ASIC1: variants seen among roughly 807,000 people sequenced by gnomAD.
The protein encoded by ASIC1 is acid-sensing ion channel 1.
A neutral mutation model predicts 63.4 loss-of-function variants in ASIC1; 21 were observed. That is an observed-to-expected ratio of 0.33 (90% CI 0.23 to 0.48). The LOEUF (loss-of-function observed/expected upper bound fraction) is 0.48. Among genes scored for constraint, ASIC1 ranks in the 20% least tolerant of loss-of-function variants. The pLI is 0.99. For missense variants in ASIC1, 478 were observed against 695.5 expected, an observed-to-expected ratio of 0.69 and a Z score of 3.52; for synonymous variants, 258 against 278.2, an observed-to-expected ratio of 0.93 and a Z score of 0.72.
At chr12:50,065,445 A>G (rs950850152) in intron 3 of ASIC1, among the ~76,000 whole-genome samples, 4 of 152,094 alleles carry the variant, frequency 2.6e-5, no homozygotes, top group Non-Finnish European at 4.4e-5. Flanking sequence ...GAGGTTGTAA[A>G]ATTATTCTTT....
chr12:50,068,347 G>T (rs1950565404), intron 3 of ASIC1, among the ~76,000 whole-genome samples: 1 of 152,008 alleles, frequency 6.6e-6, no homozygotes. Context: ...CATGTTTTTT[G>T]GTTGATATAT....
At chr12:50,073,514 C>T (rs1389421310) in intron 3 of ASIC1, 5 of 1,443,334 alleles carry the variant, frequency 3.5e-6, no homozygotes, top group African/African-American at 1.4e-5. Context: ...CCTGGAGTCA[C>T]ATCGCCTTCC....
rs1441793371 is a variant in ASIC1 at position 50,074,887 on chromosome 12, T to C, written c.559-2326T>C. Reference sequence around the variant, plus strand: ...GTGTGTGTGTGTGTGTGTGTGTGTGTGTGTGTGTGTGTGTGTGTGTCTGAG... The same window carrying C: ...GTGTGTGTGTGTGTGTGTGTGTGTGCGTGTGTGTGTGTGTGTGTGTCTGAG... On this transcript the variant is annotated intron_variant, in intron 3 of 11. Coordinates refer to ENST00000447966, the MANE Select transcript of ASIC1 (RefSeq NM_001095.4). This position sits in a 1 kb window ranked among gnomAD's most constrained non-coding sequence, Gnocchi z 4.2. Among the ~76,000 whole-genome samples, 1 of 151,486 alleles carries C rather than the reference T, an allele frequency of 6.6e-6. No individual in the cohort carries two copies. Among genetic ancestry groups the C allele is most frequent in the Non-Finnish European group, 1.5e-5 (1 of 67,810 alleles).
intron 3 of ASIC1, among the ~76,000 whole-genome samples, chr12:50,067,443 C>G (rs1194853074): frequency 1.4e-5 from 2 of 139,856 alleles, no homozygotes; most frequent in Non-Finnish European, 3.0e-5. Flanking sequence ...GAGTTTTGCT[C>G]TTGTTGCTCA....
intron 3 of ASIC1, chr12:50,076,721 T>C: frequency 3.6e-6 from 1 of 276,228 alleles, no homozygotes; most frequent in Non-Finnish European, 7.3e-6. Flanking sequence ...GGGGGCAGGG[T>C]TAAGGAAACC....
At chr12:50,060,463 A>T (rs917176682) in intron 3 of ASIC1, among the ~76,000 whole-genome samples, 10 of 152,238 alleles carry the variant, frequency 6.6e-5, no homozygotes, top group African/African-American at 2.4e-4. Context: ...AAGCACCGTG[A>T]AGCACAAGTA....
In ASIC1 at chr12:50,074,449, G is replaced by A. The variant is rs1950633184; in HGVS notation, c.559-2764G>A. 6.6e-6 allele frequency among the ~76,000 whole-genome samples: 1 copy of A among 152,186 alleles called. No individual in the cohort carries two copies. Among genetic ancestry groups the A allele is most frequent in the Admixed American group, 6.5e-5 (1 of 15,282 alleles). ...CTGGTATTCCCAGGTCCACACCAGT[G>A]CTGCTTTTCCTGTTAGAATCTTGAA... On this transcript the variant is annotated intron_variant, in intron 3 of 11. Transcript: ENST00000447966. The surrounding 1 kb of genome is among the most constrained non-coding windows in gnomAD (Gnocchi z 4.2).
rs1950628094 is a variant in ASIC1 at position 50,074,069 on chromosome 12, G to A, written c.559-3144G>A. On this transcript the variant is annotated intron_variant, in intron 3 of 11. Coordinates refer to ENST00000447966, the MANE Select transcript of ASIC1 (RefSeq NM_001095.4). The surrounding 1 kb of genome is among the most constrained non-coding windows in gnomAD (Gnocchi z 4.2). ...TTGCTTTATTTGGCCCCCATGCTGG[G>A]ACTGGATGAAAGTGATGACCCCGGG... is the stretch of plus-strand genomic sequence containing the variant. 2.6e-6 allele frequency: 4 copies of A among 1,535,012 alleles called. No individual in the cohort carries two copies. Among genetic ancestry groups the A allele is most frequent in the South Asian group, 1.2e-5 (1 of 83,946 alleles).
chr12:50,081,927 T>G lies in ASIC1; in HGVS notation c.*278T>G. 2.2e-6 allele frequency: 1 copy of G among 451,440 alleles called. No individual in the cohort carries two copies. The highest frequency in any genetic ancestry group is 4.0e-6 in the Non-Finnish European group (1 of 249,488). The allele number at this position is 451,440 out of a possible 1,614,324, so 28.0% of individuals were successfully genotyped here. A position where few individuals can be genotyped will look rare whatever the true frequency, so the allele number is the denominator to read the frequency against. On this transcript the variant is annotated 3_prime_UTR_variant, in exon 12 of 12. Transcript: ENST00000447966. ...CCTCTCTCCTCCATGCTGCCTCCCC[T>G]AGCTCCCAGCCTGAATTCTGTCTAT... is the stretch of plus-strand genomic sequence containing the variant.
intron 3 of ASIC1, among the ~76,000 whole-genome samples, chr12:50,071,411 C>T (rs1462216609): frequency 1.3e-5 from 2 of 150,316 alleles, no homozygotes; most frequent in African/African-American, 4.9e-5. Flanking sequence ...GGACCACAGG[C>T]GCCTGCCAGC....
At position 50,081,330 on chromosome 12, in the gene ASIC1, G is replaced by T. The variant is rs372000117; in HGVS notation, c.1448G>T (p.Gly483Val). ...GCCAAAAGGAGCAGTGCGGACAAGG[G>T]CGTGGCCCTCAGCCTGGACGACGTC... ...KEAKRSSADK[G>V]VALSLDDVKR... Residue 483 changes from glycine (G) to valine (V), a missense_variant, in exon 11 of 12, where the codon GGC becomes GTC. Gly to Val is a moderately radical substitution (Grantham distance 109). Transcript: ENST00000447966. 6.2e-7 allele frequency: 1 copy of T among 1,610,374 alleles called. No homozygotes were observed. The highest frequency in any genetic ancestry group is 1.7e-5 in the Admixed American group (1 of 59,522).
intron 3 of ASIC1, among the ~76,000 whole-genome samples, chr12:50,068,739 C>T (rs937187288): frequency 3.1e-4 from 47 of 151,776 alleles, no homozygotes; most frequent in Admixed American, 1.6e-3. Flanking sequence ...ACCCACTGTT[C>T]ACCCCGTCAT....
At chr12:50,075,967 A>G (rs1950651214) in intron 3 of ASIC1, among the ~76,000 whole-genome samples, 1 of 152,184 alleles carries the variant, frequency 6.6e-6, no homozygotes, top group Non-Finnish European at 1.5e-5. Flanking sequence ...GGGCTGAGAT[A>G]TCTTCTGAGG....
rs1241428191 is a variant in ASIC1 at position 50,059,397 on chromosome 12, C to A, written c.362+269C>A. ...ACATTGTCACCCTCTCTGGAGTGAG[C>A]TTTACCTTCATTCTGGCCACTCTGT... On this transcript the variant is annotated intron_variant, in intron 2 of 11. Coordinates refer to ENST00000447966, the MANE Select transcript of ASIC1 (RefSeq NM_001095.4). The surrounding 1 kb of genome is among the most constrained non-coding windows in gnomAD (Gnocchi z 4.6). 2.0e-5 allele frequency among the ~76,000 whole-genome samples: 3 copies of A among 152,226 alleles called. No homozygotes were observed. Among genetic ancestry groups the A allele is most frequent in the African/African-American group, 7.2e-5 (3 of 41,458 alleles).
rs199706928 is a variant in ASIC1, at chr12:50,080,637, G to T, written c.1297+48G>T. 6.6e-5 allele frequency: 106 copies of T among 1,614,048 alleles called. 1 individual carries two copies. The highest frequency in any genetic ancestry group is 8.6e-5 in the Non-Finnish European group (101 of 1,180,028). On this transcript the variant is annotated intron_variant, in intron 9 of 11. Coordinates refer to ENST00000447966, the MANE Select transcript of ASIC1 (RefSeq NM_001095.4). ...CCCCTTCTCATGCCATGGGCATGGC[G>T]TGGCTCCCTATCATCCAAAAGCAGG... is the stretch of plus-strand genomic sequence containing the variant.
At position 50,059,587 on chromosome 12, in the gene ASIC1, G is replaced by A. The variant is rs1221364820; in HGVS notation, c.363-172G>A. On this transcript the variant is annotated intron_variant, in intron 2 of 11. Coordinates refer to ENST00000447966, the MANE Select transcript of ASIC1 (RefSeq NM_001095.4). The surrounding 1 kb of genome is among the most constrained non-coding windows in gnomAD (Gnocchi z 4.6). ...GCCCTGCCCCTGGGCAGCCACTACAGTTCCTCCTGTCATTTCAGACCCATG... is the reference window on the plus strand; with the variant it reads ...GCCCTGCCCCTGGGCAGCCACTACAATTCCTCCTGTCATTTCAGACCCATG... Among the ~76,000 whole-genome samples the A allele has an allele frequency of 1.3e-5, 2 of 152,188 alleles. No individual in the cohort carries two copies. The highest frequency in any genetic ancestry group is 2.9e-5 in the Non-Finnish European group (2 of 68,030).
At chr12:50,081,432 C>T (rs1592281524) in intron 11 of ASIC1, 68 bp downstream of exon 11, 2 of 1,425,948 alleles carry the variant, frequency 1.4e-6, no homozygotes, top group East Asian at 2.5e-5. Flanking sequence ...CCCCGTCCAC[C>T]CCCGCCCACC....
At chr12:50,072,087 G>T (rs901942740) in intron 3 of ASIC1, among the ~76,000 whole-genome samples, 1 of 152,168 alleles carries the variant, frequency 6.6e-6, no homozygotes, top group African/African-American at 2.4e-5. Flanking sequence ...ACTCAGTTCT[G>T]CTAGAACCTG....
rs1175133264 is a variant in ASIC1 at position 50,082,729 on chromosome 12, C to T, written c.*1080C>T. Reference sequence around the variant, plus strand: ...GCCTGTATAAAGAGTTGGACTCTCTCCCCTGGTGTCTGTACTGTGTACACA... The same window carrying T: ...GCCTGTATAAAGAGTTGGACTCTCTTCCCTGGTGTCTGTACTGTGTACACA... On this transcript the variant is annotated 3_prime_UTR_variant, in exon 12 of 12. Coordinates refer to ENST00000447966, the MANE Select transcript of ASIC1 (RefSeq NM_001095.4). 1 of 152,652 alleles carries T rather than the reference C, an allele frequency of 6.6e-6. No homozygotes were observed. The highest frequency in any genetic ancestry group is 2.4e-5 in the African/African-American group (1 of 41,416). 9.5% of individuals were successfully genotyped at this position (152,652 alleles called of 1,614,324 possible).
Sources: gnomAD v4.1 joint callset for allele counts (sites outside exome capture counted in the v4.1 genomes callset) on GRCh38, gnomAD v4.1.1 for gene constraint, Gnocchi (gnomAD v3.1) non-coding constraint, MANE v1.5 for transcripts, NCBI Gene and HGNC (gene_info 2026-07-23, HGNC 2026-07-21) for gene names.